The following CSMD1 variants were observed in gnomAD, a reference collection of about 807,000 sequenced individuals.
CSMD1 encodes the protein CUB and Sushi multiple domains 1.
Under a neutral mutation model 417.5 loss-of-function variants are expected in CSMD1, and 213 were observed. The ratio of observed to expected loss-of-function variants is 0.51; its 90% CI spans 0.46 to 0.57. The LOEUF is 0.57. Ranked by LOEUF, CSMD1 falls within the 20% of genes least tolerant of loss-of-function variation. CSMD1 has a pLI of 0.00. For synonymous variants in CSMD1, 2,862 were observed against 1,736.8 expected, an observed-to-expected ratio of 1.65 and a Z score of -16.11; for missense variants, 6,923 against 4,529.7, an observed-to-expected ratio of 1.53 and a Z score of -15.17.
At chr8:4,551,292 T>G (rs1458358329) in intron 2 of CSMD1, among the ~76,000 whole-genome samples, 1 of 152,130 alleles carries the variant, frequency 6.6e-6, no homozygotes, top group Non-Finnish European at 1.5e-5. Flanking sequence ...CAAGGCTGTA[T>G]GTGAAACCCA....
chr8:3,877,095 C>G (rs975438274), intron 5 of CSMD1, among the ~76,000 whole-genome samples: 4 of 152,178 alleles, frequency 2.6e-5, no homozygotes, highest in Admixed American at 1.3e-4. Context: ...GGAGATTCAG[C>G]CTGAAGTAGT....
chr8:3,293,088 C>G (rs1443673921), intron 25 of CSMD1, among the ~76,000 whole-genome samples: 1 of 152,046 alleles, frequency 6.6e-6, no homozygotes, highest in Non-Finnish European at 1.5e-5. Flanking sequence ...ACTTATGAAG[C>G]TTAGTTTGGC....
Position 4,789,915 on chromosome 8 carries a change from G to A in CSMD1, c.86-152357C>T, listed in dbSNP as rs1282073630. Among the ~76,000 whole-genome samples, 5 of 152,162 alleles carry A rather than the reference G, an allele frequency of 3.3e-5. No individual in the cohort carries two copies. In the South Asian group the frequency reaches 6.2e-4, roughly 19 times the overall value. ...TAATAGAATTTAGTAGTAGCCATCA[G>A]ATCTGTTCTGCCAGAGAAAAATGTA... On this transcript the variant is annotated intron_variant, in intron 1 of 69. Transcript: ENST00000635120.
intron 5 of CSMD1, among the ~76,000 whole-genome samples, chr8:3,910,499 A>C (rs1025918848): frequency 6.6e-6 from 1 of 152,222 alleles, no homozygotes; most frequent in Admixed American, 6.5e-5. Context: ...TGAACCAAGT[A>C]AACATTATAC....
At chr8:4,369,460 A>C (rs759085711) in intron 3 of CSMD1, among the ~76,000 whole-genome samples, 10 of 152,110 alleles carry the variant, frequency 6.6e-5, no homozygotes, top group Non-Finnish European at 1.5e-4. Flanking sequence ...CTGACGTATA[A>C]TTAGTCAAGT....
chr8:3,250,538 T>C (rs570483842), intron 26 of CSMD1, among the ~76,000 whole-genome samples: 18 of 152,334 alleles, frequency 1.2e-4, no homozygotes, highest in African/African-American at 4.3e-4. Flanking sequence ...TGGGTCTTTA[T>C]AGCAGCATGA....
At chr8:4,328,082 A>G (rs1799658004) in intron 3 of CSMD1, among the ~76,000 whole-genome samples, 1 of 152,160 alleles carries the variant, frequency 6.6e-6, no homozygotes, top group South Asian at 2.1e-4. Flanking sequence ...AATTTACATG[A>G]TATGTAACAG....
intron 5 of CSMD1, among the ~76,000 whole-genome samples, chr8:3,940,121 G>A (rs1246634381): frequency 2.6e-5 from 4 of 152,010 alleles, no homozygotes; most frequent in African/African-American, 9.7e-5. Flanking sequence ...CTTTTATAAA[G>A]TAAATAGTAC....
At chr8:4,850,380 A>ATTTT (rs1403352847) in intron 1 of CSMD1, among the ~76,000 whole-genome samples, 2 of 82,776 alleles carry the variant, frequency 2.4e-5, no homozygotes, top group Non-Finnish European at 4.7e-5. Flanking sequence ...AATCCAATTT[A>ATTTT]TCTTTTTTTT....
chr8:4,435,417 C>G (rs575331185), intron 2 of CSMD1, among the ~76,000 whole-genome samples: 1 of 152,302 alleles, frequency 6.6e-6, no homozygotes, highest in African/African-American at 2.4e-5. Flanking sequence ...AGTCACCATG[C>G]AGGCCCAGAG....
At chr8:4,464,688 C>T (rs1406415943) in intron 2 of CSMD1, among the ~76,000 whole-genome samples, 1 of 152,056 alleles carries the variant, frequency 6.6e-6, no homozygotes, top group African/African-American at 2.4e-5. Flanking sequence ...GTAATATAGC[C>T]AAACTCTGTA....
intron 50 of CSMD1, among the ~76,000 whole-genome samples, chr8:3,034,189 T>C (rs922064947): frequency 2.0e-5 from 3 of 152,188 alleles, no homozygotes; most frequent in African/African-American, 7.2e-5. Flanking sequence ...TCTTAACAGG[T>C]AGAAGAAAAA....
chr8:3,335,256 G>T (rs894798764), intron 23 of CSMD1, among the ~76,000 whole-genome samples: 2 of 152,262 alleles, frequency 1.3e-5, no homozygotes, highest in South Asian at 4.1e-4. Context: ...CGAATTCACA[G>T]TTCCAACCTC....
chr8:4,652,555 G>A (rs1315000115), intron 1 of CSMD1, among the ~76,000 whole-genome samples: 1 of 152,014 alleles, frequency 6.6e-6, no homozygotes, highest in South Asian at 2.1e-4. Flanking sequence ...AGCAGGTTGA[G>A]GCAGGAGAAT....
At chr8:4,855,520 A>C (rs1163244564) in intron 1 of CSMD1, among the ~76,000 whole-genome samples, 4 of 152,104 alleles carry the variant, frequency 2.6e-5, no homozygotes, top group African/African-American at 9.7e-5. Flanking sequence ...CTTTGAAAAA[A>C]ATTTAGAAGA....
At chr8:4,220,924 T>C (rs181424719) in intron 3 of CSMD1, among the ~76,000 whole-genome samples, 3 of 152,310 alleles carry the variant, frequency 2.0e-5, no homozygotes, top group Admixed American at 1.3e-4. Flanking sequence ...TGATAGAACA[T>C]GTGTGTGCAC....
intron 3 of CSMD1, among the ~76,000 whole-genome samples, chr8:4,097,983 AT>A (rs1269235712): frequency 1.2e-4 from 18 of 152,152 alleles, no homozygotes; most frequent in African/African-American, 4.3e-4. Flanking sequence ...GAATCTGTGG[AT>A]CAGATGGAAA....
chr8:3,712,962 G>T (rs544907441), intron 6 of CSMD1, among the ~76,000 whole-genome samples: 6 of 152,218 alleles, frequency 3.9e-5, no homozygotes, highest in East Asian at 3.9e-4. Flanking sequence ...ACAATGTATT[G>T]TGTGCTTCAA....
chr8:4,738,024 A>G (rs903924690), intron 1 of CSMD1, among the ~76,000 whole-genome samples: 5 of 152,234 alleles, frequency 3.3e-5, no homozygotes, highest in African/African-American at 1.2e-4. Flanking sequence ...AACTTGGAGA[A>G]TGAGAGAGAA....
Sources: allele counts gnomAD v4.1 joint callset (sites outside exome capture counted in the v4.1 genomes callset), GRCh38; gene constraint gnomAD v4.1.1; transcripts MANE v1.5; gene names NCBI Gene and HGNC (gene_info 2026-07-23, HGNC 2026-07-21).